Variants in CACNA1B observed in about 807,000 individuals in gnomAD.
CACNA1B encodes the protein voltage-dependent N-type calcium channel subunit alpha-1B.
A neutral mutation model predicts 247.2 loss-of-function variants in CACNA1B; 70 were observed. The ratio of observed to expected loss-of-function variants is 0.28; its 90% CI spans 0.23 to 0.35. The LOEUF is 0.35. CACNA1B is among the 10% of genes least tolerant of loss of function. The pLI is 1.00. For missense variants in CACNA1B, 2,367 were observed against 3,197.4 expected, an observed-to-expected ratio of 0.74 and a Z score of 6.26; for synonymous variants, 1,231 against 1,294.4, an observed-to-expected ratio of 0.95 and a Z score of 1.05.
At chr9:138,103,868 A>G (rs578042286) in intron 38 of CACNA1B, among the ~76,000 whole-genome samples, 20 of 152,288 alleles carry the variant, frequency 1.3e-4, no homozygotes, top group African/African-American at 4.6e-4. Flanking sequence ...GGTCTTTGTC[A>G]CCCGACTCAG....
At position 137,917,468 on chromosome 9, in the gene CACNA1B, C is replaced by T; in HGVS notation, c.966+37C>T. 1 of 1,578,548 alleles carries T rather than the reference C, an allele frequency of 6.3e-7. No individual in the cohort carries two copies. Among genetic ancestry groups the T allele is most frequent in the Non-Finnish European group, 8.7e-7 (1 of 1,154,736 alleles). On this transcript the variant is annotated intron_variant, in intron 6 of 46. Coordinates refer to ENST00000371372, the MANE Select transcript of CACNA1B (RefSeq NM_000718.4). This position sits in a 1 kb window ranked among gnomAD's most constrained non-coding sequence, Gnocchi z 5.5. ...CTTGGCCCTGGGCCTGAGGGCAGGC[C>T]CTGGACCTCCTGAGCTGGTGCCTCT...
chr9:138,096,709 C>A, intron 37 of CACNA1B, 98 bp downstream of exon 37: 1 of 1,276,062 alleles, frequency 7.8e-7, no homozygotes, highest in Non-Finnish European at 1.1e-6. Context: ...AAGTGAGCAC[C>A]CCCTCAGGTT....
Position 138,121,069 on chromosome 9 carries a change from T to C in CACNA1B, c.6489+188T>C, listed in dbSNP as rs1962076501. ...ACGTCTGCAGCCTACCCCAGCTGTG[T>C]TCTCATCAAGCTCCTGCCTGGGTCA... On this transcript the variant is annotated intron_variant, in intron 46 of 46. Coordinates refer to ENST00000371372, the MANE Select transcript of CACNA1B (RefSeq NM_000718.4). The surrounding 1 kb of genome is among the most constrained non-coding windows in gnomAD (Gnocchi z 6.8). Among the ~76,000 whole-genome samples, 3 of 152,102 alleles carry C rather than the reference T, an allele frequency of 2.0e-5. No individual in the cohort carries two copies. In the South Asian group the frequency reaches 6.2e-4, roughly 32 times the overall value.
At chr9:138,000,263 TA>T (rs1208500002) in intron 15 of CACNA1B, among the ~76,000 whole-genome samples, 3 of 151,988 alleles carry the variant, frequency 2.0e-5, no homozygotes, top group Non-Finnish European at 4.4e-5. Flanking sequence ...TACGCCCGGC[TA>T]ATTTTTTGTA....
At chr9:138,091,049 C>T (rs942391826) in intron 36 of CACNA1B, among the ~76,000 whole-genome samples, 8 of 152,166 alleles carry the variant, frequency 5.3e-5, no homozygotes, top group Admixed American at 2.6e-4. Context: ...TATATCCAAA[C>T]GGAGGGAAAT....
Position 137,881,654 on chromosome 9 carries a change from C to G in CACNA1B, c.391-1090C>G, listed in dbSNP as rs968293719. Among the ~76,000 whole-genome samples the G allele has an allele frequency of 6.6e-6, 1 of 152,194 alleles. No individual in the cohort carries two copies. Among genetic ancestry groups the G allele is most frequent in the Non-Finnish European group, 1.5e-5 (1 of 68,024 alleles). ...ATGCAGCTCCCTCAGCCCAGCTTCC[C>G]GGGCTTGCCTTGCACAGGGCCTTTC... On this transcript the variant is annotated intron_variant, in intron 2 of 46. Transcript: ENST00000371372. This position sits in a 1 kb window ranked among gnomAD's most constrained non-coding sequence, Gnocchi z 4.3.
intron 6 of CACNA1B, among the ~76,000 whole-genome samples, chr9:137,933,165 C>T (rs1283578788): frequency 6.6e-6 from 1 of 152,070 alleles, no homozygotes. Context: ...AATCTTCTGA[C>T]CTCATGATCT....
chr9:137,987,414 C>G (rs1958378739), intron 15 of CACNA1B, among the ~76,000 whole-genome samples: 1 of 152,218 alleles, frequency 6.6e-6, no homozygotes, highest in Non-Finnish European at 1.5e-5. Context: ...GTACTCTCCC[C>G]TTCCATAGGC....
chr9:137,883,690 G>A (rs1366237330), intron 3 of CACNA1B, among the ~76,000 whole-genome samples: 1 of 152,118 alleles, frequency 6.6e-6, no homozygotes, highest in Non-Finnish European at 1.5e-5. Context: ...GAGTGCTTGG[G>A]GAGTTGCCCC....
chr9:138,040,846 TCAATC>T (rs1311610822), intron 20 of CACNA1B, among the ~76,000 whole-genome samples: 1 of 152,160 alleles, frequency 6.6e-6, no homozygotes, highest in Non-Finnish European at 1.5e-5. Context: ...TTTGTATCCT[TCAATC>T]CAATCAAGTT....
chr9:138,038,494 C>T (rs75185769), intron 20 of CACNA1B, among the ~76,000 whole-genome samples: 2 of 152,232 alleles, frequency 1.3e-5, no homozygotes, highest in African/African-American at 4.8e-5. Context: ...TCAGAGACTT[C>T]CCTTGGACTA....
intron 10 of CACNA1B, among the ~76,000 whole-genome samples, chr9:137,960,035 G>GGAC (rs1325314402): frequency 1.3e-5 from 2 of 151,872 alleles, no homozygotes; most frequent in Non-Finnish European, 2.9e-5. Flanking sequence ...CAGGAAGTGA[G>GGAC]GACGCCTGAG....
intron 5 of CACNA1B, among the ~76,000 whole-genome samples, chr9:137,916,342 T>A (rs190957447): frequency 5.9e-5 from 9 of 152,344 alleles, no homozygotes; most frequent in East Asian, 1.9e-4. Context: ...CTGCATTTTT[T>A]AAAAATATTT....
intron 12 of CACNA1B, among the ~76,000 whole-genome samples, chr9:137,981,546 G>A (rs746930343): frequency 1.3e-5 from 2 of 152,042 alleles, no homozygotes; most frequent in Non-Finnish European, 2.9e-5. Flanking sequence ...GCACGATCTC[G>A]GCTCACTGCA....
intron 15 of CACNA1B, among the ~76,000 whole-genome samples, chr9:138,006,042 C>CAA (rs11288171): frequency 3.1e-4 from 21 of 67,720 alleles, no homozygotes; most frequent in Admixed American, 6.5e-4. Context: ...GACTCCATGT[C>CAA]AAAAAAAAAA....
At chr9:138,002,196 C>G (rs1958585275) in intron 15 of CACNA1B, among the ~76,000 whole-genome samples, 1 of 152,070 alleles carries the variant, frequency 6.6e-6, no homozygotes, top group African/African-American at 2.4e-5. Flanking sequence ...ACCAGAGAAC[C>G]TGGAAACATT....
At chr9:137,997,103 A>G (rs1293215946) in intron 15 of CACNA1B, among the ~76,000 whole-genome samples, 1 of 152,254 alleles carries the variant, frequency 6.6e-6, no homozygotes, top group Non-Finnish European at 1.5e-5. Flanking sequence ...AAAGCACTGG[A>G]ACTGTAGCAC....
At chr9:137,979,286 G>C (rs952796971) in intron 12 of CACNA1B, among the ~76,000 whole-genome samples, 8 of 152,194 alleles carry the variant, frequency 5.3e-5, no homozygotes, top group African/African-American at 9.7e-5. Flanking sequence ...TCCACGGCTT[G>C]ACTGGCACTG....
chr9:137,936,022 A>G (rs1019694912), intron 6 of CACNA1B, among the ~76,000 whole-genome samples: 3 of 152,078 alleles, frequency 2.0e-5, no homozygotes, highest in Non-Finnish European at 2.9e-5. Flanking sequence ...ACGCCCGGCT[A>G]ATTTTTGGTA....
Sources: gnomAD v4.1 joint callset for allele counts (sites outside exome capture counted in the v4.1 genomes callset) on GRCh38, gnomAD v4.1.1 for gene constraint, Gnocchi (gnomAD v3.1) non-coding constraint, MANE v1.5 for transcripts, NCBI Gene and HGNC (gene_info 2026-07-23, HGNC 2026-07-21) for gene names.